Variants in KLF8 observed in about 807,000 individuals in gnomAD.
KLF8 encodes Krueppel-like factor 8.
In KLF8, 10 loss-of-function variants were observed where a neutral mutation model predicts 18.2. The ratio of observed to expected loss-of-function variants is 0.55; its 90% CI spans 0.34 to 0.93. KLF8 has a LOEUF of 0.93. Ranked by LOEUF, KLF8 falls within the 40% of genes least tolerant of loss-of-function variation. The probability of loss-of-function intolerance (pLI) is 0.02; values close to 1 mark genes in which losing one functional copy is unlikely to be tolerated. For missense variants in KLF8, 264 were observed against 277.9 expected (o/e 0.95, Z 0.36); for synonymous variants, 109 against 97.3 (o/e 1.12, Z -0.71).
intron 2 of KLF8, among the ~76,000 whole-genome samples, chrX:56,258,234 C>G (rs1302673761): frequency 1.8e-5 from 2 of 112,346 alleles, no homozygotes; most frequent in Non-Finnish European, 3.8e-5. Flanking sequence ...ATAAAAAATA[C>G]TCTATGAAAT....
At chrX:56,193,358 T>C in the KLF8 span, among the ~76,000 whole-genome samples, 3 of 111,988 alleles carry the variant, frequency 2.7e-5, no homozygotes, top group Non-Finnish European at 5.6e-5. Flanking sequence ...GGAACACTTG[T>C]ACATTTTGGG....
chrX:56,081,970 T>G, the KLF8 span, among the ~76,000 whole-genome samples: 1 of 111,779 alleles, frequency 8.9e-6, no homozygotes, highest in Admixed American at 9.5e-5. Context: ...CCTCATAGGA[T>G]AAATCAGGAT....
At chrX:56,183,071 G>A in the KLF8 span, among the ~76,000 whole-genome samples, 1 of 112,237 alleles carries the variant, frequency 8.9e-6, no homozygotes, top group Non-Finnish European at 1.9e-5. Flanking sequence ...CCCAGAGCGG[G>A]AGTCTACAGA....
the KLF8 span, among the ~76,000 whole-genome samples, chrX:56,149,205 A>G: frequency 9.0e-6 from 1 of 111,545 alleles, no homozygotes; most frequent in Admixed American, 9.6e-5. Context: ...GAATAGTGAC[A>G]CCTGATGTCT....
chrX:56,094,301 G>A, the KLF8 span, among the ~76,000 whole-genome samples: 2 of 111,193 alleles, frequency 1.8e-5, no homozygotes, highest in Non-Finnish European at 3.8e-5. Flanking sequence ...ACCAAAGAAA[G>A]TTTTGGTAAG....
At chrX:56,189,802 T>C in the KLF8 span, among the ~76,000 whole-genome samples, 1 of 92,055 alleles carries the variant, frequency 1.1e-5, no homozygotes, top group African/African-American at 4.2e-5. Context: ...TTCTCACTCA[T>C]AGGTGGGAAT....
intron 2 of KLF8, 60 bp downstream of exon 2, chrX:56,250,364 A>T (rs2066690214): frequency 1.2e-6 from 1 of 810,816 alleles, no homozygotes. Context: ...AATACCTGGT[A>T]GTGATTACAG....
the KLF8 span, among the ~76,000 whole-genome samples, chrX:56,014,230 T>C: frequency 8.9e-6 from 1 of 112,257 alleles, no homozygotes; most frequent in African/African-American, 3.2e-5. Flanking sequence ...TTTTGCAACC[T>C]ATCCATCTGA....
the KLF8 span, among the ~76,000 whole-genome samples, chrX:56,070,187 T>G: frequency 5.5e-5 from 6 of 109,960 alleles, no homozygotes; most frequent in Admixed American, 9.7e-5. Flanking sequence ...CACTCATTAG[T>G]GGGAGTTGAA....
rs2067320909 is a variant in KLF8 at position 56,291,368 on chromosome X, C to G, written c.*6874C>G. On this transcript the variant is annotated 3_prime_UTR_variant, in exon 6 of 6. Transcript: ENST00000468660. ...AGTCTGTTATGCACCTGGAGATACT[C>G]AAGATTTGCCTCTGTTAGCATGGCC... Among the ~76,000 whole-genome samples, 1 of 111,605 alleles carries G rather than the reference C, an allele frequency of 9.0e-6. No individual in the cohort carries two copies. The highest frequency in any genetic ancestry group is 1.9e-5 in the Non-Finnish European group (1 of 53,095).
At chrX:56,137,923 C>T in the KLF8 span, among the ~76,000 whole-genome samples, 1 of 106,897 alleles carries the variant, frequency 9.4e-6, no homozygotes, top group Non-Finnish European at 1.9e-5. Flanking sequence ...AAATTTAGCT[C>T]TTTGAAGGAA....
intron 1 of KLF8, among the ~76,000 whole-genome samples, chrX:56,236,424 G>A (rs2066475059): frequency 9.0e-6 from 1 of 111,564 alleles, no homozygotes; most frequent in Non-Finnish European, 1.9e-5. Context: ...GTGGGAAAAT[G>A]TAGCTGTTGT....
At chrX:56,250,374 G>T (rs974210759) in intron 2 of KLF8, 70 bp downstream of exon 2, 65 of 761,453 alleles carry the variant, frequency 8.5e-5, no homozygotes, top group Non-Finnish European at 1.2e-4. Flanking sequence ...AGTGATTACA[G>T]AATTTAAACT....
At chrX:56,078,338 GT>G in the KLF8 span, among the ~76,000 whole-genome samples, 1 of 112,185 alleles carries the variant, frequency 8.9e-6, no homozygotes, top group African/African-American at 3.2e-5. Flanking sequence ...TTTATTGAGA[GT>G]TTTTAGCATG....
At chrX:56,273,001 C>T (rs1268915919) in intron 5 of KLF8, among the ~76,000 whole-genome samples, 3 of 111,000 alleles carry the variant, frequency 2.7e-5, no homozygotes, top group African/African-American at 9.8e-5. Flanking sequence ...TTCCCTAAAC[C>T]TATCTTAAGC....
chrX:56,109,937 C>T, the KLF8 span, among the ~76,000 whole-genome samples: 649 of 110,864 alleles, frequency 5.9e-3, 1 homozygote, highest in Admixed American at 8.8e-3. Context: ...TTTCCCTCCC[C>T]CTGCCCACCC....
the KLF8 span, among the ~76,000 whole-genome samples, chrX:56,113,474 A>G: frequency 9.2e-6 from 1 of 108,626 alleles, no homozygotes; most frequent in Non-Finnish European, 1.9e-5. Flanking sequence ...TTTTTGCAAA[A>G]TATAGAATTA....
chrX:56,071,287 G>A, the KLF8 span, among the ~76,000 whole-genome samples: 3 of 111,721 alleles, frequency 2.7e-5, no homozygotes, highest in South Asian at 3.7e-4. Context: ...TTTTATCAGC[G>A]TAATGAGGTA....
Position 56,285,760 on chromosome X carries a change from T to A in KLF8, c.*1266T>A, listed in dbSNP as rs2067261668. The A allele has an allele frequency of 9.0e-6, 1 of 111,642 alleles. No homozygotes were observed. Among genetic ancestry groups the A allele is most frequent in the Non-Finnish European group, 1.9e-5 (1 of 53,107 alleles). The allele number at this position is 111,642 out of a possible 1,213,427, so 9.2% of individuals were successfully genotyped here. A position where few individuals can be genotyped will look rare whatever the true frequency, so the allele number is the denominator to read the frequency against. On this transcript the variant is annotated 3_prime_UTR_variant, in exon 6 of 6. Coordinates refer to ENST00000468660, the MANE Select transcript of KLF8 (RefSeq NM_007250.5). ...ATTTAGCTGCCCAATCAGATTGTTT[T>A]ATAATATTACCTGGGGTACAAAATC...
Sources: gnomAD v4.1 joint callset for allele counts (sites outside exome capture counted in the v4.1 genomes callset) on GRCh38, gnomAD v4.1.1 for gene constraint, MANE v1.5 for transcripts, NCBI Gene and HGNC (gene_info 2026-07-23, HGNC 2026-07-21) for gene names.